The following FAF1 variants were observed in gnomAD, a reference collection of about 807,000 sequenced individuals.
FAF1 encodes Fas associated factor 1.
Under a neutral mutation model 92.5 loss-of-function variants are expected in FAF1, and 25 were observed. The observed-to-expected ratio is 0.27, with a 90% CI of 0.20 to 0.38. FAF1 has a LOEUF of 0.38. Among genes scored for constraint, FAF1 ranks in the 10% least tolerant of loss-of-function variants. The probability of loss-of-function intolerance (pLI) is 1.00; values close to 1 mark genes in which losing one functional copy is unlikely to be tolerated. For synonymous variants in FAF1, 234 were observed against 273.2 expected (o/e 0.86, Z 1.42); for missense variants, 636 against 793.3 (o/e 0.80, Z 2.38).
chr1:50,526,145 C>T (rs990371002), intron 15 of FAF1, among the ~76,000 whole-genome samples: 5 of 152,152 alleles, frequency 3.3e-5, no homozygotes, highest in African/African-American at 1.2e-4. Context: ...CTGTTTTGAC[C>T]TGTAGGTTAG....
At chr1:50,952,830 G>A (rs1462130633) in intron 1 of FAF1, among the ~76,000 whole-genome samples, 17 of 149,134 alleles carry the variant, frequency 1.1e-4, no homozygotes, top group South Asian at 2.1e-4. Context: ...CCCTCCGCCC[G>A]GCAGCCGCCC....
At chr1:50,682,782 T>C (rs375592047) in intron 7 of FAF1, among the ~76,000 whole-genome samples, 1 of 152,128 alleles carries the variant, frequency 6.6e-6, no homozygotes, top group South Asian at 2.1e-4. Flanking sequence ...ATTTTTAGTC[T>C]TTTAATATTT....
chr1:50,639,101 T>C (rs1337805267), intron 8 of FAF1, among the ~76,000 whole-genome samples: 2 of 152,242 alleles, frequency 1.3e-5, no homozygotes, highest in African/African-American at 2.4e-5. Flanking sequence ...CCTGTCATCA[T>C]TAACTTAAGT....
intron 7 of FAF1, among the ~76,000 whole-genome samples, chr1:50,681,024 GAATAATAAT>G (rs151079216): frequency 2.0e-5 from 3 of 150,720 alleles, no homozygotes; most frequent in Non-Finnish European, 4.4e-5. Flanking sequence ...ACTACATTCA[GAATAATAAT>G]AATAATAATA....
intron 7 of FAF1, among the ~76,000 whole-genome samples, chr1:50,679,966 T>G (rs1249831673): frequency 6.6e-6 from 1 of 152,226 alleles, no homozygotes; most frequent in Non-Finnish European, 1.5e-5. Flanking sequence ...GGTAATAGTT[T>G]GTCTTGAGTT....
intron 2 of FAF1, among the ~76,000 whole-genome samples, chr1:50,813,108 A>G (rs1215103540): frequency 6.6e-6 from 1 of 152,078 alleles, no homozygotes; most frequent in East Asian, 1.9e-4. Context: ...AAAACTACCT[A>G]TCAGGTACTA....
intron 2 of FAF1, among the ~76,000 whole-genome samples, chr1:50,854,309 C>A (rs953631607): frequency 6.6e-6 from 1 of 152,000 alleles, no homozygotes; most frequent in African/African-American, 2.4e-5. Flanking sequence ...AAGATTCTAA[C>A]TCACTGTCAC....
chr1:50,648,738 C>T (rs1324017436), intron 8 of FAF1, among the ~76,000 whole-genome samples: 1 of 152,118 alleles, frequency 6.6e-6, no homozygotes, highest in African/African-American at 2.4e-5. Flanking sequence ...ACCAGCCTGA[C>T]CAACATGGAG....
At chr1:50,532,698 T>A (rs974449587) in intron 15 of FAF1, among the ~76,000 whole-genome samples, 1 of 152,224 alleles carries the variant, frequency 6.6e-6, no homozygotes, top group South Asian at 2.1e-4. Flanking sequence ...CAATAGAAGA[T>A]ACCTAGTGAG....
intron 15 of FAF1, among the ~76,000 whole-genome samples, chr1:50,504,508 G>A (rs1428781334): frequency 6.6e-6 from 1 of 151,698 alleles, no homozygotes; most frequent in Admixed American, 6.6e-5. Context: ...GGAAGACACA[G>A]TCAAGAGTAT....
chr1:50,489,146 T>C (rs1486037593), intron 17 of FAF1, among the ~76,000 whole-genome samples: 1 of 152,246 alleles, frequency 6.6e-6, no homozygotes, highest in African/African-American at 2.4e-5. Flanking sequence ...ACATTTTTTC[T>C]TGATTTGCTG....
At chr1:50,473,504 A>G (rs1410319583) in intron 18 of FAF1, among the ~76,000 whole-genome samples, 1 of 152,182 alleles carries the variant, frequency 6.6e-6, no homozygotes, top group Non-Finnish European at 1.5e-5. Context: ...CACAGAACAT[A>G]AAGTATGAGA....
In FAF1 at chr1:50,551,116, ATTTT is replaced by A. The variant is rs751154761; in HGVS notation, c.1269-11392_1269-11389del. ...TTTTAATTGGTTTTCATCCAATTTT[ATTTT>A]TTATTTTCCTATTTTATATTGTATG... is the stretch of plus-strand genomic sequence containing the variant. On this transcript the variant is annotated intron_variant, in intron 13 of 18. Coordinates refer to ENST00000396153, the MANE Select transcript of FAF1 (RefSeq NM_007051.3). Among the ~76,000 whole-genome samples, 61 of 152,248 alleles carry A rather than the reference ATTTT, an allele frequency of 4.0e-4. 1 individual carries two copies. Among genetic ancestry groups the A allele is most frequent in the Admixed American group, 2.2e-3 (34 of 15,286 alleles).
At chr1:50,900,846 T>C (rs1261578640) in intron 1 of FAF1, among the ~76,000 whole-genome samples, 1 of 152,166 alleles carries the variant, frequency 6.6e-6, no homozygotes, top group Non-Finnish European at 1.5e-5. Context: ...TGTGTGTGGG[T>C]ATACATATAC....
At chr1:50,475,438 T>A in intron 18 of FAF1, 26 bp downstream of exon 18, 1 of 1,562,204 alleles carries the variant, frequency 6.4e-7, no homozygotes, top group Non-Finnish European at 8.8e-7. Flanking sequence ...CTGGATATAC[T>A]TCCTGAGATA....
At chr1:50,735,553 T>C (rs1269106771) in intron 6 of FAF1, among the ~76,000 whole-genome samples, 5 of 152,182 alleles carry the variant, frequency 3.3e-5, no homozygotes, top group African/African-American at 4.8e-5. Context: ...AAGACTCAAT[T>C]ACCAGGCACC....
At chr1:50,884,183 A>G (rs1557573641) in intron 1 of FAF1, among the ~76,000 whole-genome samples, 2 of 152,000 alleles carry the variant, frequency 1.3e-5, no homozygotes, top group Non-Finnish European at 2.9e-5. Flanking sequence ...ACAAACTTGT[A>G]TGTATACATA....
chr1:50,568,957 C>T (rs572776090), intron 12 of FAF1, among the ~76,000 whole-genome samples: 2 of 152,110 alleles, frequency 1.3e-5, no homozygotes, highest in African/African-American at 2.4e-5. Context: ...TTCATTTATT[C>T]ATTCATTCAA....
intron 8 of FAF1, among the ~76,000 whole-genome samples, chr1:50,651,643 T>C (rs1319535927): frequency 6.6e-6 from 1 of 152,250 alleles, no homozygotes; most frequent in Non-Finnish European, 1.5e-5. Context: ...AGTATTAAGT[T>C]ATGGCACACT....
Sources: gnomAD v4.1 joint callset for allele counts (sites outside exome capture counted in the v4.1 genomes callset) on GRCh38, gnomAD v4.1.1 for gene constraint, MANE v1.5 for transcripts, NCBI Gene and HGNC (gene_info 2026-07-23, HGNC 2026-07-21) for gene names.